CFAP299: variants seen among roughly 807,000 people sequenced by gnomAD.
CFAP299 encodes the protein cilia and flagella associated protein 299.
In CFAP299, 21 loss-of-function variants were observed where a neutral mutation model predicts 27.0. The observed-to-expected ratio is 0.78, with a 90% CI of 0.55 to 1.12. The LOEUF (loss-of-function observed/expected upper bound fraction) is 1.12. Among genes scored for constraint, CFAP299 ranks in the 50% most tolerant of loss-of-function variants. The pLI is 0.00. For synonymous variants in CFAP299, 104 were observed against 98.1 expected (o/e 1.06, Z -0.36); for missense variants, 310 against 276.6 (o/e 1.12, Z -0.86).
chr4:80,556,936 T>A (rs1261291578), intron 2 of CFAP299, among the ~76,000 whole-genome samples: 1 of 152,052 alleles, frequency 6.6e-6, no homozygotes, highest in East Asian at 1.9e-4. Flanking sequence ...CATAAACATT[T>A]TGCTCAAAAG....
Position 80,810,039 on chromosome 4 carries a change from T to C in CFAP299, c.334-59954T>C, listed in dbSNP as rs550078223. Reference sequence around the variant, plus strand: ...ATTAATAATATATGTAAAACACTTATAACAGTGCCTGGAACATAAGTAAAC... The same window carrying C: ...ATTAATAATATATGTAAAACACTTACAACAGTGCCTGGAACATAAGTAAAC... On this transcript the variant is annotated intron_variant, in intron 3 of 5. Transcript: ENST00000358105. Among the ~76,000 whole-genome samples the C allele has an allele frequency of 5.9e-5, 9 of 152,212 alleles. No homozygotes were observed. The South Asian group carries it at 1.7e-3, about 28-fold the overall frequency.
chr4:80,829,276 G>T lies in CFAP299; in HGVS notation c.334-40717G>T, dbSNP rs1730165035. 2.0e-5 allele frequency among the ~76,000 whole-genome samples: 3 copies of T among 152,092 alleles called. No homozygotes were observed. The South Asian group carries it at 6.2e-4, about 32-fold the overall frequency. On this transcript the variant is annotated intron_variant, in intron 3 of 5. Transcript: ENST00000358105. ...TCAAAAGTATAAAAGGACTTGATTA[G>T]AAATTTCTCCAAAGAAGATACAGGA...
chr4:80,888,983 G>A (rs1734106826), intron 4 of CFAP299, among the ~76,000 whole-genome samples: 1 of 135,420 alleles, frequency 7.4e-6, no homozygotes, highest in African/African-American at 2.9e-5. Flanking sequence ...AGTATTCAGA[G>A]GGAAGTTTAT....
At chr4:80,361,605 C>G (rs1723551645) in intron 1 of CFAP299, among the ~76,000 whole-genome samples, 1 of 152,174 alleles carries the variant, frequency 6.6e-6, no homozygotes, top group Non-Finnish European at 1.5e-5. Context: ...GAATAATAGC[C>G]TTGGGCCTTC....
rs189921990 is a variant in CFAP299 at position 80,529,982 on chromosome 4, A to G, written c.243-53111A>G. On this transcript the variant is annotated intron_variant, in intron 2 of 5. Coordinates refer to ENST00000358105, the MANE Select transcript of CFAP299 (RefSeq NM_152770.3). ...TATAAAAACAGTATTTAAAGATAGTATGAGAAAAATAAATAACATGAGAGA... is the reference window on the plus strand; with the variant it reads ...TATAAAAACAGTATTTAAAGATAGTGTGAGAAAAATAAATAACATGAGAGA... 1.0e-3 allele frequency among the ~76,000 whole-genome samples: 153 copies of G among 152,344 alleles called. No individual in the cohort carries two copies. The South Asian group carries it at 0.019, about 19-fold the overall frequency.
At chr4:80,428,763 A>C (rs1727654756) in intron 2 of CFAP299, among the ~76,000 whole-genome samples, 1 of 149,206 alleles carries the variant, frequency 6.7e-6, no homozygotes, top group Middle Eastern at 3.2e-3. Context: ...CTGATCTCAA[A>C]CTCCTGACCT....
intron 2 of CFAP299, among the ~76,000 whole-genome samples, chr4:80,553,928 T>A (rs1734660608): frequency 6.6e-6 from 1 of 152,134 alleles, no homozygotes; most frequent in Non-Finnish European, 1.5e-5. Context: ...ATATTTTCTC[T>A]CTTTCTGTAG....
chr4:80,378,089 T>G (rs4306949), intron 2 of CFAP299, among the ~76,000 whole-genome samples: 10,054 of 152,208 alleles, frequency 0.066, 819 homozygotes, highest in African/African-American at 0.19. Context: ...GAGATACAAT[T>G]AAAGTTGAGA....
At chr4:80,661,607 G>C (rs1312649505) in intron 3 of CFAP299, among the ~76,000 whole-genome samples, 1 of 152,068 alleles carries the variant, frequency 6.6e-6, no homozygotes, top group Non-Finnish European at 1.5e-5. Context: ...CATAAGCTGA[G>C]GATGAATGTC....
chr4:80,701,443 ACT>A (rs535526957), intron 3 of CFAP299, among the ~76,000 whole-genome samples: 72 of 152,132 alleles, frequency 4.7e-4, no homozygotes, highest in African/African-American at 1.7e-3. Context: ...AAGTGCTAAG[ACT>A]CTTTTGGCAA....
chr4:80,387,627 T>C, intron 2 of CFAP299: 1 of 1,416,202 alleles, frequency 7.1e-7, no homozygotes, highest in East Asian at 2.3e-5. Flanking sequence ...CACCACCGTG[T>C]CCTGAAGGCC....
At chr4:80,873,003 C>T (rs1733185325) in intron 4 of CFAP299, 10 of 982,072 alleles carry the variant, frequency 1.0e-5, no homozygotes, top group South Asian at 4.7e-5. Flanking sequence ...TTTACCTCTG[C>T]AGTTTGTGCT....
At chr4:80,427,127 A>C (rs2172877) in intron 2 of CFAP299, among the ~76,000 whole-genome samples, 3 of 152,108 alleles carry the variant, frequency 2.0e-5, no homozygotes, top group Non-Finnish European at 4.4e-5. Flanking sequence ...AGGAAATGCT[A>C]TAGTAATCTC....
chr4:80,561,038 T>C (rs561463666), intron 2 of CFAP299, among the ~76,000 whole-genome samples: 3 of 152,156 alleles, frequency 2.0e-5, no homozygotes, highest in African/African-American at 7.2e-5. Flanking sequence ...TCAGGTCTGA[T>C]GCAGTGCAGT....
At chr4:80,460,315 A>G (rs959306121) in intron 2 of CFAP299, among the ~76,000 whole-genome samples, 2 of 152,050 alleles carry the variant, frequency 1.3e-5, no homozygotes, top group East Asian at 3.9e-4. Context: ...ACCAATGCAG[A>G]TTTTTCTCTA....
At chr4:80,374,655 C>A (rs1724316683) in intron 2 of CFAP299, among the ~76,000 whole-genome samples, 1 of 152,142 alleles carries the variant, frequency 6.6e-6, no homozygotes, top group Admixed American at 6.5e-5. Context: ...CTTGCCCCTG[C>A]TGAACATTTG....
intron 3 of CFAP299, among the ~76,000 whole-genome samples, chr4:80,848,832 C>A (rs1731327830): frequency 6.6e-6 from 1 of 151,970 alleles, no homozygotes; most frequent in African/African-American, 2.4e-5. Flanking sequence ...AATGGTACAC[C>A]TGTATAAGGC....
intron 3 of CFAP299, among the ~76,000 whole-genome samples, chr4:80,605,842 TAA>T (rs950636774): frequency 6.6e-6 from 1 of 152,178 alleles, no homozygotes; most frequent in Non-Finnish European, 1.5e-5. Context: ...TATTAACACT[TAA>T]GTTTTTTTTT....
intron 3 of CFAP299, among the ~76,000 whole-genome samples, chr4:80,852,712 C>G (rs1370607702): frequency 6.6e-6 from 1 of 152,138 alleles, no homozygotes; most frequent in African/African-American, 2.4e-5. Context: ...TCTTATTTCT[C>G]TATTCACTCT....
Sources: gnomAD v4.1 joint callset for allele counts (sites outside exome capture counted in the v4.1 genomes callset) on GRCh38, gnomAD v4.1.1 for gene constraint, MANE v1.5 for transcripts, NCBI Gene and HGNC (gene_info 2026-07-23, HGNC 2026-07-21) for gene names.